PPP3CC: variants seen among roughly 807,000 people sequenced by gnomAD.
PPP3CC encodes protein phosphatase 3 catalytic subunit gamma.
A neutral mutation model predicts 60.3 loss-of-function variants in PPP3CC; 35 were observed. That is an observed-to-expected ratio of 0.58 (90% CI 0.44 to 0.77). PPP3CC has a LOEUF of 0.77. Among genes scored for constraint, PPP3CC ranks in the 30% least tolerant of loss-of-function variants. The pLI is 0.00. For synonymous variants in PPP3CC, 206 were observed against 224.3 expected (o/e 0.92, Z 0.73); for missense variants, 570 against 628.9 (o/e 0.91, Z 1.00).
chr8:22,533,820 A>G (rs1054492643), intron 12 of PPP3CC, among the ~76,000 whole-genome samples: 2 of 151,608 alleles, frequency 1.3e-5, no homozygotes, highest in African/African-American at 2.4e-5. Flanking sequence ...GTGAGACTCC[A>G]TCTCAAAAAA....
At chr8:22,525,486 C>A (rs1486143731) in intron 8 of PPP3CC, among the ~76,000 whole-genome samples, 1 of 143,856 alleles carries the variant, frequency 7.0e-6, no homozygotes, top group Non-Finnish European at 1.5e-5. Flanking sequence ...TTTCTGCTTC[C>A]TTTTCTTCTT....
At chr8:22,460,321 G>T (rs1033593954) in intron 1 of PPP3CC, among the ~76,000 whole-genome samples, 6 of 151,898 alleles carry the variant, frequency 4.0e-5, no homozygotes, top group African/African-American at 1.5e-4. Flanking sequence ...TTCTATTTTT[G>T]TAAATTCTGT....
intron 5 of PPP3CC, 48 bp from the exon 6 acceptor site, chr8:22,513,245 C>G (rs749640489): frequency 1.5e-5 from 24 of 1,574,532 alleles, no homozygotes; most frequent in African/African-American, 4.1e-5. Context: ...TTCCAAGAAG[C>G]CTTTTGCTCT....
At chr8:22,529,819 G>C (rs1839655085) in intron 10 of PPP3CC, among the ~76,000 whole-genome samples, 1 of 152,018 alleles carries the variant, frequency 6.6e-6, no homozygotes, top group African/African-American at 2.4e-5. Context: ...GTGTGTGAGG[G>C]ATCTTTTTAT....
intron 3 of PPP3CC, among the ~76,000 whole-genome samples, chr8:22,497,403 G>A (rs543007447): frequency 3.3e-5 from 5 of 151,810 alleles, no homozygotes; most frequent in South Asian, 2.1e-4. Context: ...GCTCAAGTGA[G>A]CCCCCTGCCT....
At chr8:22,490,244 C>T (rs1838359459) in intron 3 of PPP3CC, among the ~76,000 whole-genome samples, 1 of 152,056 alleles carries the variant, frequency 6.6e-6, no homozygotes, top group African/African-American at 2.4e-5. Flanking sequence ...CCATTATTAC[C>T]TGGAAAGCTT....
intron 8 of PPP3CC, among the ~76,000 whole-genome samples, chr8:22,526,205 G>C (rs1406417370): frequency 2.0e-5 from 3 of 152,082 alleles, no homozygotes; most frequent in Non-Finnish European, 4.4e-5. Context: ...CTAGTTACAC[G>C]AAAGACCTTT....
chr8:22,475,421 AACTGTGAT>A, intron 2 of PPP3CC, 71 bp from the exon 3 acceptor site: 1 of 1,449,128 alleles, frequency 6.9e-7, no homozygotes, highest in Non-Finnish European at 9.4e-7. Context: ...TTAGAAGTTA[AACTGTGAT>A]CCCTTTTGGT....
At chr8:22,460,175 CTT>C (rs1036466326) in intron 1 of PPP3CC, among the ~76,000 whole-genome samples, 2 of 151,896 alleles carry the variant, frequency 1.3e-5, no homozygotes, top group African/African-American at 4.8e-5. Flanking sequence ...GTTTTGTGCT[CTT>C]TTAAAAAATT....
intron 3 of PPP3CC, among the ~76,000 whole-genome samples, chr8:22,494,238 C>T (rs1838494593): frequency 6.6e-6 from 1 of 152,128 alleles, no homozygotes; most frequent in South Asian, 2.1e-4. Context: ...GGGGAGGCCT[C>T]AGAATCATGG....
chr8:22,483,663 C>T (rs1181341918), intron 3 of PPP3CC, among the ~76,000 whole-genome samples: 1 of 152,112 alleles, frequency 6.6e-6, no homozygotes, highest in East Asian at 1.9e-4. Context: ...TTTCACAAAC[C>T]CTATTACAAT....
chr8:22,523,020 A>G (rs1027559219), intron 8 of PPP3CC, among the ~76,000 whole-genome samples: 2 of 152,208 alleles, frequency 1.3e-5, no homozygotes, highest in Non-Finnish European at 2.9e-5. Context: ...AAGAAGAATA[A>G]ATTGCTTCAG....
chr8:22,490,893 G>T lies in PPP3CC; in HGVS notation c.373-7108G>T, dbSNP rs189762714. 1.1e-4 allele frequency among the ~76,000 whole-genome samples: 16 copies of T among 152,180 alleles called. No homozygotes were observed. The South Asian group carries it at 1.5e-3, about 14-fold the overall frequency. On this transcript the variant is annotated intron_variant, in intron 3 of 13. Transcript: ENST00000240139. ...ATTGGTTCCAAGTCTTTGCTATTGC[G>T]AATAGTGCCGCAATAAACATATGTG...
chr8:22,536,778 T>C (rs1261603510), intron 12 of PPP3CC, among the ~76,000 whole-genome samples: 3 of 152,230 alleles, frequency 2.0e-5, no homozygotes, highest in Non-Finnish European at 4.4e-5. Flanking sequence ...AAAAGACCTT[T>C]TATTGTTCAT....
At chr8:22,479,834 G>C (rs571690763) in intron 3 of PPP3CC, among the ~76,000 whole-genome samples, 6 of 152,092 alleles carry the variant, frequency 3.9e-5, no homozygotes, top group African/African-American at 1.4e-4. Flanking sequence ...GAAGAAAAGA[G>C]AAGGTTAGGT....
intron 1 of PPP3CC, among the ~76,000 whole-genome samples, chr8:22,472,585 G>A (rs1459519789): frequency 1.3e-5 from 2 of 152,120 alleles, no homozygotes; most frequent in Non-Finnish European, 2.9e-5. Context: ...TTGAGGAGAT[G>A]TCACTCTTTT....
chr8:22,521,307 G>A (rs1433033045), intron 6 of PPP3CC, among the ~76,000 whole-genome samples: 2 of 152,238 alleles, frequency 1.3e-5, no homozygotes, highest in East Asian at 3.9e-4. Context: ...TGAGTCTGCA[G>A]TTGGGTCTGG....
At chr8:22,461,408 AGTATTGGATGTT>A (rs1389655155) in intron 1 of PPP3CC, among the ~76,000 whole-genome samples, 2 of 152,194 alleles carry the variant, frequency 1.3e-5, no homozygotes, top group Non-Finnish European at 2.9e-5. Flanking sequence ...AAGTTCCAGC[AGTATTGGATGTT>A]GGTAATATTA....
At position 22,522,517 on chromosome 8, in the gene PPP3CC, A is replaced by C; in HGVS notation, c.797A>C (p.Gln266Pro). ...TACCCTGCAGTTTGTGAATTTTTGC[A>C]GAACAATAATTTACTATCAATTATC... ...YSYPAVCEFLQNNNLLSIIRA... is the reference protein window; with the variant it reads ...YSYPAVCEFLPNNNLLSIIRA... The change falls in exon 7 of 14, where the codon CAG (glutamine) becomes CCG (proline). Residue 266 changes from glutamine (Q) to proline (P), a missense_variant. Transcript: ENST00000240139. 6.2e-7 allele frequency: 1 copy of C among 1,611,844 alleles called. No homozygotes were observed. Among genetic ancestry groups the C allele is most frequent in the East Asian group, 2.2e-5 (1 of 44,856 alleles).
Sources: gnomAD v4.1 joint callset for allele counts (sites outside exome capture counted in the v4.1 genomes callset) on GRCh38, gnomAD v4.1.1 for gene constraint, MANE v1.5 for transcripts, NCBI Gene and HGNC (gene_info 2026-07-23, HGNC 2026-07-21) for gene names.